ITPKB: variants seen among roughly 807,000 people sequenced by gnomAD.
The protein encoded by ITPKB is IP3 3-kinase B.
A neutral mutation model predicts 69.4 loss-of-function variants in ITPKB; 13 were observed. The observed-to-expected ratio is 0.19, with a 90% confidence interval of 0.12 to 0.30. The LOEUF is 0.30. Among genes scored for constraint, ITPKB ranks in the 10% least tolerant of loss-of-function variants. The pLI is 1.00. For synonymous variants in ITPKB, 584 were observed against 513.7 expected (o/e 1.14, Z -1.85); for missense variants, 1,240 against 1,250.5 (o/e 0.99, Z 0.13).
rs1258526364 is a variant in ITPKB, at chr1:226,648,557, A to C, written c.2032+115T>G. On this transcript the variant is annotated intron_variant, in intron 3 of 7. Transcript: ENST00000429204. ...GCAAGTGTGGCTGTGATTTCAGACT[A>C]GAAAGTCTTGGAGGGAACTTGCTCT... 1.1e-5 allele frequency: 8 copies of C among 730,846 alleles called. No homozygotes were observed. In the African/African-American group the frequency reaches 1.2e-4, roughly 11 times the overall value. The allele number at this position is 730,846 out of a possible 1,614,324, so 45.3% of individuals were successfully genotyped here. A position where few individuals can be genotyped will look rare whatever the true frequency, so the allele number is the denominator to read the frequency against.
At chr1:226,730,368 A>G (rs149760450) in intron 2 of ITPKB, among the ~76,000 whole-genome samples, 2 of 152,312 alleles carry the variant, frequency 1.3e-5, no homozygotes, top group African/African-American at 4.8e-5. Flanking sequence ...TCAAATTACC[A>G]AAGAGTTCAT....
chr1:226,637,689 T>C lies in ITPKB; in HGVS notation c.2615A>G (p.Lys872Arg), dbSNP rs747513871. The C allele has an allele frequency of 1.2e-5, 19 of 1,613,366 alleles. No homozygotes were observed. Among genetic ancestry groups the C allele is most frequent in the Non-Finnish European group, 1.5e-5 (18 of 1,179,312 alleles). The change falls in exon 7 of 8, where the codon AAG (lysine) becomes AGG (arginine). Residue 872 changes from lysine to arginine, a missense_variant. This residue lies in a region of ITPKB where 248 missense variants were observed against 396.7 expected (regional missense o/e 0.63). Coordinates refer to ENST00000429204, the MANE Select transcript of ITPKB (RefSeq NM_002221.4). The surrounding 1 kb of genome is among the most constrained non-coding windows in gnomAD (Gnocchi z 4.3). The part of the protein sequence containing the change: ...RTTLEVSPFF[K>R]CHEVIGSSLL... ...AAGCCCAGTATCTACCTCGTGGCAC[T>C]TGAAGAAGGGAGAAACTTCTAGAGT...
chr1:226,686,994 T>C (rs1386267723), intron 2 of ITPKB, among the ~76,000 whole-genome samples: 1 of 152,232 alleles, frequency 6.6e-6, no homozygotes, highest in African/African-American at 2.4e-5. Context: ...TGGGATGCTA[T>C]AATCTGGAAC....
At chr1:226,718,259 A>C (rs1411008065) in intron 2 of ITPKB, among the ~76,000 whole-genome samples, 1 of 145,702 alleles carries the variant, frequency 6.9e-6, no homozygotes, top group African/African-American at 2.6e-5. Flanking sequence ...GCACCACTGC[A>C]CTCCAGCCTG....
intron 2 of ITPKB, among the ~76,000 whole-genome samples, chr1:226,660,865 G>A (rs965363183): frequency 6.6e-6 from 1 of 152,254 alleles, no homozygotes; most frequent in African/African-American, 2.4e-5. Context: ...CTCTGGGAAA[G>A]GGCGCCTGGG....
At chr1:226,688,907 C>T (rs1656280334) in intron 2 of ITPKB, among the ~76,000 whole-genome samples, 1 of 152,072 alleles carries the variant, frequency 6.6e-6, no homozygotes, top group African/African-American at 2.4e-5. Context: ...CTCCATTTTC[C>T]CCCCCAACAA....
intron 2 of ITPKB, among the ~76,000 whole-genome samples, chr1:226,660,685 C>T (rs1232168552): frequency 1.3e-5 from 2 of 152,192 alleles, no homozygotes; most frequent in Non-Finnish European, 2.9e-5. Flanking sequence ...ACACCAGGGG[C>T]CTCTCCAGGC....
intron 2 of ITPKB, among the ~76,000 whole-genome samples, chr1:226,720,301 G>T (rs1657203088): frequency 6.6e-6 from 1 of 152,174 alleles, no homozygotes; most frequent in East Asian, 1.9e-4. Context: ...TGGTTCAGAG[G>T]CCCCATTGCT....
Position 226,739,176 on chromosome 1 carries a change from A to G in ITPKB, c.-341T>C, listed in dbSNP as rs1657915279. Reference sequence around the variant, plus strand: ...CAAGCTATGGAAGACAAAAAAGAGGAGTGCGAAAGAGGGGGGAAAGCTCTT... The same window carrying G: ...CAAGCTATGGAAGACAAAAAAGAGGGGTGCGAAAGAGGGGGGAAAGCTCTT... On this transcript the variant is annotated 5_prime_UTR_variant, in exon 1 of 8. Coordinates refer to ENST00000429204, the MANE Select transcript of ITPKB (RefSeq NM_002221.4). 1 of 152,164 alleles carries G rather than the reference A, an allele frequency of 6.6e-6. No homozygotes were observed. Among genetic ancestry groups the G allele is most frequent in the African/African-American group, 2.4e-5 (1 of 41,442 alleles). The allele number at this position is 152,164 out of a possible 1,614,324, so 9.4% of individuals were successfully genotyped here.
rs1424593369 is a variant in ITPKB, at chr1:226,633,142, C to A, written c.*1529G>T. 1 of 152,196 alleles carries A rather than the reference C, an allele frequency of 6.6e-6. No individual in the cohort carries two copies. Among genetic ancestry groups the A allele is most frequent in the African/African-American group, 2.4e-5 (1 of 41,440 alleles). The allele number at this position is 152,196 out of a possible 1,614,324, so 9.4% of individuals were successfully genotyped here. ...TGTACTTATACATCCTCATGTGTCC[C>A]ACCCTCCACCCCCAGCAAGTGTCAC... On this transcript the variant is annotated 3_prime_UTR_variant, in exon 8 of 8. Coordinates refer to ENST00000429204, the MANE Select transcript of ITPKB (RefSeq NM_002221.4).
chr1:226,652,258 G>C (rs1260052943), intron 2 of ITPKB, among the ~76,000 whole-genome samples: 1 of 152,202 alleles, frequency 6.6e-6, no homozygotes, highest in Non-Finnish European at 1.5e-5. Context: ...AGATTCCAGA[G>C]AATCAATGTC....
intron 2 of ITPKB, among the ~76,000 whole-genome samples, chr1:226,723,158 G>A (rs905055912): frequency 6.6e-6 from 1 of 152,156 alleles, no homozygotes. Context: ...TGTGCTCGGG[G>A]TTCATCAGCT....
In ITPKB at chr1:226,732,112, A is replaced by C. The variant is rs1476870517; in HGVS notation, c.1932+3415T>G. Among the ~76,000 whole-genome samples, 12 of 151,804 alleles carry C rather than the reference A, an allele frequency of 7.9e-5. 1 individual carries two copies. In the East Asian group the frequency reaches 1.9e-3, roughly 24 times the overall value. On this transcript the variant is annotated intron_variant, in intron 2 of 7. Transcript: ENST00000429204. The stretch of plus-strand genomic sequence containing the variant: ...AAAACTAGTCAACATCAAAAAAAAA[A>C]AAAAAAAAAGCGAAGGAAACAAAAT...
In ITPKB at chr1:226,642,737, C is replaced by T. The variant is rs763644293; in HGVS notation, c.2247-612G>A. Among the ~76,000 whole-genome samples, 32 of 152,090 alleles carry T rather than the reference C, an allele frequency of 2.1e-4. No individual in the cohort carries two copies. Among genetic ancestry groups the T allele is most frequent in the Non-Finnish European group, 3.8e-4 (26 of 68,002 alleles). On this transcript the variant is annotated intron_variant, in intron 4 of 7. Transcript: ENST00000429204. This position sits in a 1 kb window ranked among gnomAD's most constrained non-coding sequence, Gnocchi z 6.4. ...GGCCCCACTAGATCCCCTTGGCTGC[C>T]TCGGCCCTTCCATAAAGCGAGGGCT...
intron 4 of ITPKB, among the ~76,000 whole-genome samples, chr1:226,643,806 CAT>C (rs1669010217): frequency 6.6e-6 from 1 of 150,406 alleles, no homozygotes. Context: ...CATGTGCGCA[CAT>C]ACACACACAT....
At chr1:226,725,429 G>C (rs1397407216) in intron 2 of ITPKB, among the ~76,000 whole-genome samples, 2 of 152,236 alleles carry the variant, frequency 1.3e-5, no homozygotes, top group African/African-American at 2.4e-5. Flanking sequence ...ATACAGAAGA[G>C]GCACCCAGTA....
chr1:226,651,776 A>T (rs1257511458), intron 2 of ITPKB, among the ~76,000 whole-genome samples: 1 of 152,196 alleles, frequency 6.6e-6, no homozygotes, highest in African/African-American at 2.4e-5. Context: ...CCAGGGGTCT[A>T]GAAAGGAGGG....
At chr1:226,725,460 T>C (rs1344846326) in intron 2 of ITPKB, among the ~76,000 whole-genome samples, 2 of 152,218 alleles carry the variant, frequency 1.3e-5, no homozygotes, top group Non-Finnish European at 2.9e-5. Context: ...GAATGTAATA[T>C]CTGCTCAAGA....
rs577234598 is a variant in ITPKB at position 226,632,517 on chromosome 1, GAA to G, written c.*2152_*2153del. On this transcript the variant is annotated 3_prime_UTR_variant, in exon 8 of 8. Transcript: ENST00000429204. ...CTAGCACGGTAAATACAAAAAAAGA[GAA>G]AAAAAAAACAGAAAACAAAAACCCT... The G allele has an allele frequency of 2.7e-5, 4 of 147,286 alleles. No individual in the cohort carries two copies. The highest frequency in any genetic ancestry group is 7.5e-5 in the African/African-American group (3 of 40,242). 9.1% of individuals were successfully genotyped at this position (147,286 alleles called of 1,614,324 possible).
Sources: gnomAD v4.1 joint callset for allele counts (sites outside exome capture counted in the v4.1 genomes callset) on GRCh38, gnomAD v4.1.1 for gene constraint, gnomAD v4.1.1 regional missense constraint, Gnocchi (gnomAD v3.1) non-coding constraint, MANE v1.5 for transcripts, NCBI Gene and HGNC (gene_info 2026-07-23, HGNC 2026-07-21) for gene names.